Variants in PPP2R5E observed in about 807,000 individuals in gnomAD.
The protein encoded by PPP2R5E is protein phosphatase 2 regulatory subunit B'epsilon.
In PPP2R5E, 4 loss-of-function variants were observed where a neutral mutation model predicts 65.3. The ratio of observed to expected loss-of-function variants is 0.06; its 90% CI spans 0.03 to 0.14. The LOEUF (loss-of-function observed/expected upper bound fraction) is 0.14, where lower values mean the gene tolerates loss of function less well. Ranked by LOEUF, PPP2R5E falls within the 10% of genes least tolerant of loss-of-function variation. PPP2R5E has a pLI of 1.00. For missense variants in PPP2R5E, 274 were observed against 556.1 expected (o/e 0.49, Z 5.10); for synonymous variants, 183 against 187.4 (o/e 0.98, Z 0.19).
At chr14:63,432,396 G>A (rs1477446991) in intron 3 of PPP2R5E, among the ~76,000 whole-genome samples, 2 of 152,250 alleles carry the variant, frequency 1.3e-5, no homozygotes, top group East Asian at 1.9e-4. Flanking sequence ...CCTTAGACAC[G>A]GAGTCTCTAG....
At chr14:63,492,658 T>A (rs1317606577) in intron 2 of PPP2R5E, among the ~76,000 whole-genome samples, 1 of 152,162 alleles carries the variant, frequency 6.6e-6, no homozygotes, top group Non-Finnish European at 1.5e-5. Flanking sequence ...ACAGATCAAG[T>A]ACAAACTTGA....
chr14:63,380,668 C>CAA lies in PPP2R5E; in HGVS notation c.1304+1386_1304+1387dup, dbSNP rs551126549. On this transcript the variant is annotated intron_variant, in intron 13 of 13. Transcript: ENST00000337537. ...CAGAGCAAGACTCCATCTCAAAAAA[C>CAA]AAAAAAAAAAAAGTTGTTTAAACTG... 6.0e-3 allele frequency among the ~76,000 whole-genome samples: 842 copies of CAA among 140,084 alleles called. 9 individuals are homozygous for CAA. Among genetic ancestry groups the CAA allele is most frequent in the East Asian group, 0.052 (252 of 4,884 alleles). The allele number at this position is 140,084 out of a possible 152,430, so 91.9% of individuals were successfully genotyped here. A position where few individuals can be genotyped will look rare whatever the true frequency, so the allele number is the denominator to read the frequency against.
chr14:63,538,748 C>T (rs550692387), intron 2 of PPP2R5E, among the ~76,000 whole-genome samples: 6 of 151,534 alleles, frequency 4.0e-5, no homozygotes, highest in Non-Finnish European at 8.8e-5. Flanking sequence ...AGTTCAAGAC[C>T]AGCCTGACCA....
intron 2 of PPP2R5E, among the ~76,000 whole-genome samples, chr14:63,493,386 C>G (rs1166482940): frequency 6.6e-6 from 1 of 151,826 alleles, no homozygotes; most frequent in Non-Finnish European, 1.5e-5. Context: ...CTGTCTGCCA[C>G]TAGATGCCAG....
At chr14:63,410,402 C>CT (rs1455518602) in intron 5 of PPP2R5E, among the ~76,000 whole-genome samples, 4 of 152,066 alleles carry the variant, frequency 2.6e-5, no homozygotes, top group Non-Finnish European at 5.9e-5. Flanking sequence ...GTGAAAAAGA[C>CT]CTGACTACCG....
intron 2 of PPP2R5E, among the ~76,000 whole-genome samples, chr14:63,486,959 T>C (rs1891030435): frequency 6.6e-6 from 1 of 152,234 alleles, no homozygotes; most frequent in Non-Finnish European, 1.5e-5. Flanking sequence ...TGCAATCATA[T>C]CTGCCCTCTT....
At chr14:63,430,393 A>ACATACATGCATACATGCATACATACATG (rs1163137641) in intron 3 of PPP2R5E, among the ~76,000 whole-genome samples, 1 of 138,924 alleles carries the variant, frequency 7.2e-6, no homozygotes, top group African/African-American at 3.1e-5. Flanking sequence ...ATACATACAT[A>ACATACATGCATACATGCATACATACATG]CATACATGCA....
intron 13 of PPP2R5E, 125 bp downstream of exon 13, chr14:63,381,931 A>G: frequency 1.5e-6 from 1 of 663,940 alleles, no homozygotes; most frequent in Middle Eastern, 2.9e-4. Context: ...TTGTTAAGTA[A>G]TGCATGACTG....
intron 2 of PPP2R5E, among the ~76,000 whole-genome samples, chr14:63,470,386 C>G (rs1318062497): frequency 7.3e-6 from 1 of 137,190 alleles, no homozygotes; most frequent in Non-Finnish European, 1.5e-5. Context: ...TACCTCCCTA[C>G]TTATAGCCCA....
intron 2 of PPP2R5E, among the ~76,000 whole-genome samples, chr14:63,492,190 T>C (rs1891316181): frequency 6.6e-6 from 1 of 152,104 alleles, no homozygotes; most frequent in South Asian, 2.1e-4. Flanking sequence ...TTTACATCTT[T>C]ATATATACCT....
intron 2 of PPP2R5E, among the ~76,000 whole-genome samples, chr14:63,499,728 GAA>G (rs751292294): frequency 7.8e-6 from 1 of 128,192 alleles, no homozygotes. Flanking sequence ...TTCTATCTCA[GAA>G]AAAAAAAAAA....
rs568582610 is a variant in PPP2R5E, at chr14:63,525,469, C to T, written c.157+14060G>A. 2.0e-5 allele frequency among the ~76,000 whole-genome samples: 3 copies of T among 152,268 alleles called. No individual in the cohort carries two copies. The South Asian group carries it at 6.2e-4, about 32-fold the overall frequency. On this transcript the variant is annotated intron_variant, in intron 2 of 13. Coordinates refer to ENST00000337537, the MANE Select transcript of PPP2R5E (RefSeq NM_006246.5). ...CAGGAAAGACATACAGGAGAAGAAA[C>T]CTCTAGTCATGAGAGCTCCCTTCTA...
chr14:63,391,881 G>C lies in PPP2R5E; in HGVS notation c.904-14C>G. ...CCCCCTAATAACCTAAAATGAAAAG[G>C]AGAAAAACAAATGGCATTTAACTTT... On this transcript the variant is annotated splice_polypyrimidine_tract_variant and intron_variant, in intron 9 of 13. Transcript: ENST00000337537. The C allele has an allele frequency of 2.5e-6, 4 of 1,612,794 alleles. No individual in the cohort carries two copies. In the South Asian group the frequency reaches 3.3e-5, roughly 13 times the overall value.
chr14:63,542,375 A>C (rs919469707), intron 1 of PPP2R5E, among the ~76,000 whole-genome samples: 1 of 152,116 alleles, frequency 6.6e-6, no homozygotes, highest in African/African-American at 2.4e-5. Flanking sequence ...AAGTAGGGAA[A>C]GACAGGGAAG....
intron 10 of PPP2R5E, among the ~76,000 whole-genome samples, chr14:63,391,522 C>T (rs1885022925): frequency 6.6e-6 from 1 of 152,190 alleles, no homozygotes; most frequent in African/African-American, 2.4e-5. Flanking sequence ...CTCCCGGGTT[C>T]AAGCGATTCT....
At chr14:63,523,084 T>TG (rs1252846698) in intron 2 of PPP2R5E, among the ~76,000 whole-genome samples, 1,505 of 131,790 alleles carry the variant, frequency 0.011, 25 homozygotes, top group African/African-American at 0.042. Context: ...GGGAGGGAGG[T>TG]GGGGGGGTCA....
intron 5 of PPP2R5E, among the ~76,000 whole-genome samples, chr14:63,411,768 A>G (rs1886403654): frequency 6.6e-6 from 1 of 151,886 alleles, no homozygotes; most frequent in Non-Finnish European, 1.5e-5. Context: ...CATGATTATA[A>G]GCTTCCTGAG....
At chr14:63,530,812 T>G (rs915951878) in intron 2 of PPP2R5E, among the ~76,000 whole-genome samples, 1 of 151,660 alleles carries the variant, frequency 6.6e-6, no homozygotes, top group Non-Finnish European at 1.5e-5. Context: ...AGATGGGGTT[T>G]CACCATGTTG....
At chr14:63,530,090 T>C (rs1214430555) in intron 2 of PPP2R5E, among the ~76,000 whole-genome samples, 11 of 152,036 alleles carry the variant, frequency 7.2e-5, no homozygotes, top group Non-Finnish European at 2.9e-5. Context: ...AGCAATCAAT[T>C]CTCTCCTCCA....
Sources: gnomAD v4.1 joint callset for allele counts (sites outside exome capture counted in the v4.1 genomes callset) on GRCh38, gnomAD v4.1.1 for gene constraint, MANE v1.5 for transcripts, NCBI Gene and HGNC (gene_info 2026-07-23, HGNC 2026-07-21) for gene names.